The following PSMD1 variants were observed in gnomAD, a reference collection of about 807,000 sequenced individuals.
PSMD1 encodes proteasome 26S subunit, non-ATPase 1.
A neutral mutation model predicts 119.0 loss-of-function variants in PSMD1; 18 were observed. The observed-to-expected ratio is 0.15, with a 90% CI of 0.10 to 0.22. The LOEUF is 0.22. Among genes scored for constraint, PSMD1 ranks in the 10% least tolerant of loss-of-function variants. The pLI, the probability that PSMD1 is intolerant of heterozygous loss-of-function variation, is 1.00. For missense variants in PSMD1, 702 were observed against 1,158.5 expected, an observed-to-expected ratio of 0.61 and a Z score of 5.72; for synonymous variants, 374 against 396.6, an observed-to-expected ratio of 0.94 and a Z score of 0.68.
intron 16 of PSMD1, among the ~76,000 whole-genome samples, chr2:231,103,293 C>G (rs1321392253): frequency 6.6e-6 from 1 of 152,066 alleles, no homozygotes; most frequent in East Asian, 1.9e-4. Context: ...TATCCTCTAA[C>G]TCTCATTTTG....
chr2:231,068,840 T>G (rs1023675851), intron 5 of PSMD1, among the ~76,000 whole-genome samples: 2 of 152,216 alleles, frequency 1.3e-5, no homozygotes, highest in African/African-American at 4.8e-5. Context: ...AGCCTTAAAC[T>G]GCTTCCTTTA....
intron 16 of PSMD1, among the ~76,000 whole-genome samples, chr2:231,135,436 T>C (rs1347272501): frequency 6.6e-6 from 1 of 152,140 alleles, no homozygotes; most frequent in Non-Finnish European, 1.5e-5. Flanking sequence ...CCCTGGAATG[T>C]TTGGTTGATT....
rs1696413578 is a variant in PSMD1, at chr2:231,153,404, C to T, written c.2116-160C>T. 1.7e-5 allele frequency: 10 copies of T among 584,452 alleles called. No homozygotes were observed. In the East Asian group the frequency reaches 2.2e-4, roughly 13 times the overall value. The allele number at this position is 584,452 out of a possible 1,614,324, so 36.2% of individuals were successfully genotyped here. A position where few individuals can be genotyped will look rare whatever the true frequency, so the allele number is the denominator to read the frequency against. On this transcript the variant is annotated intron_variant, in intron 18 of 24. Coordinates refer to ENST00000308696, the MANE Select transcript of PSMD1 (RefSeq NM_002807.4). ...AAGTCATAACACCCGTGATTGCAAC[C>T]ACGGAACTGCTCTGCCTTCAAGTCT...
At chr2:231,156,640 T>C (rs115196328) in intron 19 of PSMD1, among the ~76,000 whole-genome samples, 6,290 of 152,232 alleles carry the variant, frequency 0.041, 181 homozygotes, top group Middle Eastern at 0.12. Context: ...GTGGAATCTG[T>C]AGTGATATCC....
chr2:231,154,431 A>C (rs937365563), intron 19 of PSMD1, among the ~76,000 whole-genome samples: 1 of 152,018 alleles, frequency 6.6e-6, no homozygotes, highest in African/African-American at 2.4e-5. Context: ...CAGTGGTGAC[A>C]GTGCCTGTCA....
At chr2:231,070,727 C>A (rs1026042995) in intron 6 of PSMD1, among the ~76,000 whole-genome samples, 3 of 152,096 alleles carry the variant, frequency 2.0e-5, no homozygotes, top group African/African-American at 7.2e-5. Flanking sequence ...GATGTTTTTC[C>A]CTACTTATTC....
At chr2:231,098,137 A>G (rs763410983) in intron 16 of PSMD1, among the ~76,000 whole-genome samples, 2 of 152,294 alleles carry the variant, frequency 1.3e-5, no homozygotes, top group Middle Eastern at 3.4e-3. Flanking sequence ...AGTTGCCACT[A>G]CAGATTAAAT....
At chr2:231,075,489 T>C in intron 7 of PSMD1, 22 bp from the exon 8 acceptor site, 1 of 1,608,658 alleles carries the variant, frequency 6.2e-7, no homozygotes, top group Non-Finnish European at 8.5e-7. Context: ...TCAGAAAAAA[T>C]TATTGGTTCT....
At chr2:231,155,705 A>G (rs1024263910) in intron 19 of PSMD1, among the ~76,000 whole-genome samples, 1 of 151,366 alleles carries the variant, frequency 6.6e-6, no homozygotes, top group Non-Finnish European at 1.5e-5. Context: ...CTTTTAACTT[A>G]TTTGTCTAAT....
At chr2:231,067,657 T>C (rs76203288) in intron 5 of PSMD1, among the ~76,000 whole-genome samples, 6,695 of 152,226 alleles carry the variant, frequency 0.044, 226 homozygotes, top group Non-Finnish European at 0.066. Flanking sequence ...ACATTTCTTT[T>C]TTCTTTCTTT....
In PSMD1 at chr2:231,124,085, C is replaced by T. The variant is rs941181555; in HGVS notation, c.1884-14651C>T. 1.4e-5 allele frequency: 4 copies of T among 284,590 alleles called. No individual in the cohort carries two copies. In the East Asian group the frequency reaches 2.5e-4, roughly 18 times the overall value. 17.6% of individuals were successfully genotyped at this position (284,590 alleles called of 1,614,324 possible). A position where few individuals can be genotyped will look rare whatever the true frequency, so the allele number is the denominator to read the frequency against. On this transcript the variant is annotated intron_variant, in intron 16 of 24. Coordinates refer to ENST00000308696, the MANE Select transcript of PSMD1 (RefSeq NM_002807.4). ...AGTTTCTCTCTCTCTCTTTTTCTGC[C>T]GTAGTTGTAGAGTCGTGTTTGAACT...
At chr2:231,060,102 T>C (rs529829986) in intron 1 of PSMD1, among the ~76,000 whole-genome samples, 2 of 152,250 alleles carry the variant, frequency 1.3e-5, no homozygotes, top group African/African-American at 2.4e-5. Flanking sequence ...CATTCTGGCC[T>C]GTCATCTTAC....
intron 17 of PSMD1, among the ~76,000 whole-genome samples, chr2:231,145,134 T>C (rs924704424): frequency 1.3e-5 from 2 of 152,218 alleles, no homozygotes; most frequent in African/African-American, 4.8e-5. Context: ...ATTATTGACT[T>C]AGAGTGACAG....
chr2:231,094,460 A>G (rs1402319851), intron 16 of PSMD1, among the ~76,000 whole-genome samples: 1 of 152,204 alleles, frequency 6.6e-6, no homozygotes, highest in Non-Finnish European at 1.5e-5. Context: ...AAGTGCACAC[A>G]GGGTGGGCTC....
chr2:231,141,413 C>G (rs1696108807), intron 17 of PSMD1, among the ~76,000 whole-genome samples: 1 of 147,324 alleles, frequency 6.8e-6, no homozygotes. Context: ...TCTGCTTACC[C>G]TGCTATACTT....
intron 11 of PSMD1, 122 bp from the exon 12 acceptor site, chr2:231,080,019 C>A: frequency 1.3e-6 from 1 of 799,580 alleles, no homozygotes; most frequent in South Asian, 2.3e-5. Context: ...GAGAGAGCCC[C>A]ACTACCTCCT....
intron 15 of PSMD1, among the ~76,000 whole-genome samples, chr2:231,085,952 TAATA>T (rs1172598277): frequency 1.3e-5 from 2 of 152,150 alleles, no homozygotes; most frequent in African/African-American, 2.4e-5. Context: ...TATTAATAAT[TAATA>T]AATAATTTTT....
intron 16 of PSMD1, among the ~76,000 whole-genome samples, chr2:231,128,640 C>A (rs538945544): frequency 2.0e-5 from 3 of 152,180 alleles, no homozygotes; most frequent in Non-Finnish European, 2.9e-5. Flanking sequence ...CCACAATTGA[C>A]TTCTACTTAG....
chr2:231,069,657 TAAG>T (rs1045263225), intron 5 of PSMD1, among the ~76,000 whole-genome samples: 3 of 152,156 alleles, frequency 2.0e-5, no homozygotes, highest in Admixed American at 6.5e-5. Context: ...AGTAGCAAGA[TAAG>T]AAGCAGAAAG....
Sources: gnomAD v4.1 joint callset for allele counts (sites outside exome capture counted in the v4.1 genomes callset) on GRCh38, gnomAD v4.1.1 for gene constraint, MANE v1.5 for transcripts, NCBI Gene and HGNC (gene_info 2026-07-23, HGNC 2026-07-21) for gene names.